The following STXBP6 variants were observed in gnomAD, a reference collection of about 807,000 sequenced individuals.
STXBP6 encodes syntaxin binding protein 6, also known as syntaxin-binding protein 6.
Under a neutral mutation model 26.9 loss-of-function variants are expected in STXBP6, and 21 were observed. The ratio of observed to expected loss-of-function variants is 0.78; its 90% CI spans 0.55 to 1.12. STXBP6 has a LOEUF of 1.12. Ranked by LOEUF, STXBP6 falls within the 50% of genes most tolerant of loss-of-function variation. The pLI, the probability that STXBP6 is intolerant of heterozygous loss-of-function variation, is 0.00. For synonymous variants in STXBP6, 97 were observed against 92.6 expected, an observed-to-expected ratio of 1.05 and a Z score of -0.27; for missense variants, 232 against 257.9, an observed-to-expected ratio of 0.90 and a Z score of 0.69.
chr14:24,877,325 T>G (rs1014135486), intron 2 of STXBP6, among the ~76,000 whole-genome samples: 3 of 152,202 alleles, frequency 2.0e-5, no homozygotes, highest in African/African-American at 7.2e-5. Flanking sequence ...ATGCAATACA[T>G]TTTCACACAA....
chr14:25,032,098 A>G (rs2075467486), intron 1 of STXBP6, among the ~76,000 whole-genome samples: 1 of 152,204 alleles, frequency 6.6e-6, no homozygotes, highest in Non-Finnish European at 1.5e-5. Flanking sequence ...CTTGAAATAT[A>G]AAACCTTAAT....
At position 24,835,215 on chromosome 14, in the gene STXBP6, C is replaced by T. The variant is rs981910331; in HGVS notation, c.452-16021G>A. On this transcript the variant is annotated intron_variant, in intron 4 of 5. Coordinates refer to ENST00000323944, the MANE Select transcript of STXBP6 (RefSeq NM_001394410.1). ...TGACAAAGATGCAAGCAAACTGGAT[C>T]CCTGAATCACCACTTAGAAGCTGCT... Among the ~76,000 whole-genome samples the T allele has an allele frequency of 5.3e-5, 8 of 152,272 alleles. 2 individuals are homozygous for T. The highest frequency in any genetic ancestry group is 3.9e-4 in the Admixed American group (6 of 15,298).
At chr14:25,018,368 C>A (rs1024103090) in intron 1 of STXBP6, among the ~76,000 whole-genome samples, 1 of 152,128 alleles carries the variant, frequency 6.6e-6, no homozygotes, top group African/African-American at 2.4e-5. Context: ...ATCCCTAAGA[C>A]CCTAAACCCT....
intron 4 of STXBP6, among the ~76,000 whole-genome samples, chr14:24,837,755 G>C (rs1238509182): frequency 6.6e-6 from 1 of 152,284 alleles, no homozygotes; most frequent in Admixed American, 6.5e-5. Context: ...TTAATTAAAA[G>C]GGTCTAAGAT....
intron 4 of STXBP6, among the ~76,000 whole-genome samples, chr14:24,853,883 G>A (rs1008796504): frequency 3.3e-5 from 5 of 152,064 alleles, no homozygotes; most frequent in African/African-American, 1.2e-4. Context: ...GAAGCAGTGT[G>A]GTGGGGCTGT....
chr14:24,936,579 G>A (rs1010709120), intron 2 of STXBP6, among the ~76,000 whole-genome samples: 1 of 152,168 alleles, frequency 6.6e-6, no homozygotes. Flanking sequence ...TATTATTTAT[G>A]TAACAGGCAC....
intron 2 of STXBP6, among the ~76,000 whole-genome samples, chr14:24,914,746 G>C (rs1039165747): frequency 6.6e-6 from 1 of 152,110 alleles, no homozygotes; most frequent in Non-Finnish European, 1.5e-5. Context: ...AAAATGGCTT[G>C]TGCATAATTC....
intron 2 of STXBP6, among the ~76,000 whole-genome samples, chr14:24,901,371 A>G (rs2071207425): frequency 1.3e-5 from 2 of 152,190 alleles, no homozygotes; most frequent in African/African-American, 2.4e-5. Context: ...GACTGGCTAT[A>G]TTAAGTGAAA....
Position 24,856,024 on chromosome 14 carries a change from G to A in STXBP6, c.363C>T (p.Thr121=), listed in dbSNP as rs779971973. The change falls in exon 4 of 6, where the codon ACC becomes ACT. Residue 121 remains threonine, a synonymous_variant. Transcript: ENST00000323944. ...AGGTATGGTGGAGGATCTGGAAGAA[G>A]GTGCATTTTTCTGACGCTGTGCTGG... ...WVASTASEKC[T]FFQILHHTCQ... is the part of the protein sequence containing the mutation. 1 of 1,611,426 alleles carries A rather than the reference G, an allele frequency of 6.2e-7. No individual in the cohort carries two copies. Among genetic ancestry groups the A allele is most frequent in the African/African-American group, 1.3e-5 (1 of 74,764 alleles).
intron 2 of STXBP6, among the ~76,000 whole-genome samples, chr14:24,861,804 T>A (rs78340053): frequency 2.6e-3 from 401 of 152,240 alleles, no homozygotes; most frequent in African/African-American, 9.3e-3. Context: ...ACATAGTAAA[T>A]GTTTAGACCC....
At chr14:25,020,066 T>A (rs1222894433) in intron 1 of STXBP6, among the ~76,000 whole-genome samples, 1 of 152,258 alleles carries the variant, frequency 6.6e-6, no homozygotes, top group South Asian at 2.1e-4. Context: ...TGACAACAGA[T>A]GTCTCCAACA....
At chr14:24,871,544 T>C (rs1384563780) in intron 2 of STXBP6, among the ~76,000 whole-genome samples, 2 of 152,194 alleles carry the variant, frequency 1.3e-5, no homozygotes, top group African/African-American at 4.8e-5. Context: ...TGCCAGATGA[T>C]GCTGTCAGGG....
At chr14:24,901,275 GACAA>G (rs2071202580) in intron 2 of STXBP6, among the ~76,000 whole-genome samples, 1 of 151,368 alleles carries the variant, frequency 6.6e-6, no homozygotes, top group Non-Finnish European at 1.5e-5. Flanking sequence ...GATCATTTTA[GACAA>G]ACACTGTTTT....
At chr14:24,914,647 CCT>C (rs1251561377) in intron 2 of STXBP6, among the ~76,000 whole-genome samples, 1 of 152,140 alleles carries the variant, frequency 6.6e-6, no homozygotes, top group Non-Finnish European at 1.5e-5. Flanking sequence ...CTGCTGGCTC[CCT>C]GTTACAGCTG....
In STXBP6 at chr14:24,893,051, C is replaced by G. The variant is rs185763049; in HGVS notation, c.155-35894G>C. ...AGAGGGGCTTGGGCTGTCTCTCCTG[C>G]AGGTATGGTGCACACAACCTGACCA... is the stretch of plus-strand genomic sequence containing the variant. On this transcript the variant is annotated intron_variant, in intron 2 of 5. Coordinates refer to ENST00000323944, the MANE Select transcript of STXBP6 (RefSeq NM_001394410.1). 4.0e-4 allele frequency among the ~76,000 whole-genome samples: 61 copies of G among 152,312 alleles called. 1 individual carries two copies. The highest frequency in any genetic ancestry group is 1.4e-3 in the African/African-American group (60 of 41,570).
rs926175305 is a variant in STXBP6 at position 24,861,039 on chromosome 14, AAAAG to A, written c.155-3886_155-3883del. 3.4e-4 allele frequency among the ~76,000 whole-genome samples: 52 copies of A among 152,214 alleles called. 1 individual carries two copies. In the South Asian group the frequency reaches 6.8e-3, roughly 20 times the overall value. On this transcript the variant is annotated intron_variant, in intron 2 of 5. Transcript: ENST00000323944. The stretch of plus-strand genomic sequence containing the variant: ...TAACTTTATGTGGCCATTTCTCAAA[AAAAG>A]AAAGAAAGAAAGAGGGCAAAAGGAA...
At chr14:24,858,416 T>C (rs923367625) in intron 2 of STXBP6, among the ~76,000 whole-genome samples, 1 of 152,280 alleles carries the variant, frequency 6.6e-6, no homozygotes, top group African/African-American at 2.4e-5. Flanking sequence ...CTACTCTCTC[T>C]GCTTCCAACC....
chr14:24,816,566 G>A (rs906691979), intron 5 of STXBP6: 1 of 151,938 alleles, frequency 6.6e-6, no homozygotes, highest in African/African-American at 2.4e-5. Flanking sequence ...ATGACCTGAG[G>A]GAGGGGAAAC....
At chr14:24,941,382 G>T (rs1407324441) in intron 2 of STXBP6, among the ~76,000 whole-genome samples, 1 of 152,176 alleles carries the variant, frequency 6.6e-6, no homozygotes, top group African/African-American at 2.4e-5. Context: ...AAGAACATGA[G>T]AGCTGAGGAT....
Sources: gnomAD v4.1 joint callset for allele counts (sites outside exome capture counted in the v4.1 genomes callset) on GRCh38, gnomAD v4.1.1 for gene constraint, MANE v1.5 for transcripts, NCBI Gene and HGNC (gene_info 2026-07-23, HGNC 2026-07-21) for gene names.